KIF21A: variants seen among roughly 807,000 people sequenced by gnomAD.
KIF21A encodes kinesin family member 21A, also known as kinesin-like protein KIF21A.
Under a neutral mutation model 202.9 loss-of-function variants are expected in KIF21A, and 114 were observed. The ratio of observed to expected loss-of-function variants is 0.56; its 90% CI spans 0.48 to 0.66. KIF21A has a LOEUF of 0.66. Among genes scored for constraint, KIF21A ranks in the 30% least tolerant of loss-of-function variants. The pLI is 0.00. For synonymous variants in KIF21A, 667 were observed against 670.8 expected (o/e 0.99, Z 0.09); for missense variants, 1,677 against 1,994.9 (o/e 0.84, Z 3.04).
intron 7 of KIF21A, among the ~76,000 whole-genome samples, chr12:39,359,863 C>A (rs933029734): frequency 6.6e-6 from 1 of 152,152 alleles, no homozygotes; most frequent in African/African-American, 2.4e-5. Flanking sequence ...TTAGAAACTT[C>A]CACAACACTT....
chr12:39,389,211 C>T (rs1018244152), intron 1 of KIF21A, among the ~76,000 whole-genome samples: 4 of 149,964 alleles, frequency 2.7e-5, no homozygotes, highest in Non-Finnish European at 1.5e-5. Context: ...CACACACACA[C>T]ATATATACAT....
intron 13 of KIF21A, among the ~76,000 whole-genome samples, 164 bp downstream of exon 13, chr12:39,341,870 T>C (rs910383609): frequency 2.0e-5 from 3 of 152,208 alleles, no homozygotes; most frequent in African/African-American, 4.8e-5. Context: ...GAGTTGTCAA[T>C]ATTTTATAGC....
chr12:39,417,385 TACTG>T (rs1566275408), intron 1 of KIF21A, among the ~76,000 whole-genome samples: 1 of 152,172 alleles, frequency 6.6e-6, no homozygotes, highest in Non-Finnish European at 1.5e-5. Flanking sequence ...ATATCAATGA[TACTG>T]ACAATTATAG....
intron 34 of KIF21A, among the ~76,000 whole-genome samples, chr12:39,306,449 A>G (rs1464646587): frequency 2.6e-5 from 4 of 152,114 alleles, no homozygotes; most frequent in Admixed American, 1.3e-4. Context: ...CATTTTATTT[A>G]TAATACAGTA....
intron 1 of KIF21A, among the ~76,000 whole-genome samples, chr12:39,421,143 G>T (rs887898232): frequency 2.6e-5 from 4 of 152,092 alleles, no homozygotes; most frequent in Admixed American, 1.3e-4. Flanking sequence ...ATACACAAAT[G>T]CTTACCATTG....
At chr12:39,355,441 G>A (rs1418657700) in intron 10 of KIF21A, among the ~76,000 whole-genome samples, 2 of 151,882 alleles carry the variant, frequency 1.3e-5, no homozygotes, top group Admixed American at 6.6e-5. Context: ...AAGTGCCAAA[G>A]AAATAAAAGA....
chr12:39,349,197 G>T (rs914893799), intron 11 of KIF21A, among the ~76,000 whole-genome samples: 3 of 151,914 alleles, frequency 2.0e-5, no homozygotes, highest in Admixed American at 1.3e-4. Context: ...GGGAAAGAAG[G>T]TTCTTTCCCC....
At chr12:39,414,311 C>A (rs969765989) in intron 1 of KIF21A, among the ~76,000 whole-genome samples, 1 of 152,100 alleles carries the variant, frequency 6.6e-6, no homozygotes, top group African/African-American at 2.4e-5. Context: ...GAAAGCAGAC[C>A]AAAAGTGCTC....
rs749004097 is a variant in KIF21A at position 39,311,416 on chromosome 12, C to T, written c.4096+1G>A. 6.2e-7 allele frequency: 1 copy of T among 1,612,514 alleles called. No individual in the cohort carries two copies. The highest frequency in any genetic ancestry group is 8.5e-7 in the Non-Finnish European group (1 of 1,178,848). ...TATCTGCATTAGATAACTACTAGCA[C>T]CTTTTGATCCAGTGAAGAGGAGATC... On this transcript the variant is annotated splice_donor_variant, in intron 32 of 37. Coordinates refer to ENST00000361418, the MANE Select transcript of KIF21A (RefSeq NM_001173464.2). LOFTEE classifies it high-confidence loss of function.
intron 26 of KIF21A, among the ~76,000 whole-genome samples, chr12:39,325,496 TA>T (rs1415620737): frequency 5.2e-5 from 7 of 133,870 alleles, no homozygotes; most frequent in African/African-American, 2.1e-4. Context: ...CACGCCCAGC[TA>T]ATTTTTTTTT....
Position 39,363,306 on chromosome 12 carries a change from G to A in KIF21A, c.904-93C>T, listed in dbSNP as rs1428015320. 9 of 721,102 alleles carry A rather than the reference G, an allele frequency of 1.2e-5. No individual in the cohort carries two copies. The Admixed American group carries it at 1.9e-4, about 15-fold the overall frequency. 44.7% of individuals were successfully genotyped at this position (721,102 alleles called of 1,614,324 possible). A position where few individuals can be genotyped will look rare whatever the true frequency, so the allele number is the denominator to read the frequency against. On this transcript the variant is annotated intron_variant, in intron 6 of 37. Coordinates refer to ENST00000361418, the MANE Select transcript of KIF21A (RefSeq NM_001173464.2). ...GAAAGTTTACAGAGAATAATATAGA[G>A]ACATAATATAATTAAGAATATTTGT...
rs375504040 is a variant in KIF21A, at chr12:39,319,949, C to G, written c.3736G>C (p.Ala1246Pro). The G allele has an allele frequency of 1.2e-6, 2 of 1,609,302 alleles. No individual in the cohort carries two copies. The highest frequency in any genetic ancestry group is 2.7e-5 in the African/African-American group (2 of 74,994). Residue 1246 changes from alanine to proline, a missense_variant, in exon 28 of 38, where the codon GCA (alanine) becomes CCA (proline). Transcript: ENST00000361418. ...TTTGATTTTTCTGCTTTCTCATATG[C>G]CTTTCTCCTTGTTACAGGAGAAGGC... ...PEPSPVTRRK[A>P]YEKAEKSKAK...
intron 27 of KIF21A, 123 bp downstream of exon 27, chr12:39,322,545 T>C: frequency 1.3e-6 from 1 of 742,314 alleles, no homozygotes; most frequent in Non-Finnish European, 2.2e-6. Flanking sequence ...TAGCAAATTA[T>C]TTCGAAAACC....
At chr12:39,388,155 C>T (rs1292720789) in intron 1 of KIF21A, among the ~76,000 whole-genome samples, 1 of 152,054 alleles carries the variant, frequency 6.6e-6, no homozygotes, top group African/African-American at 2.4e-5. Flanking sequence ...GAGGTGGATC[C>T]CTCATGAATA....
intron 1 of KIF21A, among the ~76,000 whole-genome samples, chr12:39,424,551 A>T (rs1485808276): frequency 2.0e-5 from 3 of 152,228 alleles, no homozygotes; most frequent in African/African-American, 7.2e-5. Context: ...CAATATGCAC[A>T]ACAATTTCAA....
In KIF21A at chr12:39,332,268, G is replaced by T; in HGVS notation, c.2997C>A (p.Ile999=). The T allele has an allele frequency of 6.2e-7, 1 of 1,613,812 alleles. No homozygotes were observed. Among genetic ancestry groups the T allele is most frequent in the South Asian group, 1.1e-5 (1 of 91,076 alleles). Residue 999 remains isoleucine, a synonymous_variant, in exon 21 of 38, where the codon ATC becomes ATA. Coordinates refer to ENST00000361418, the MANE Select transcript of KIF21A (RefSeq NM_001173464.2). ...CCTGACAATCAGAAATACTGTCATT[G>T]ATGTAATCGATATTAGCAGTCAGTG... is the stretch of plus-strand genomic sequence containing the variant. The part of the protein sequence containing the change: ...MESLTANIDY[I]NDSISDCQAN...
chr12:39,395,196 AC>A (rs754972083), intron 1 of KIF21A, among the ~76,000 whole-genome samples: 1 of 152,248 alleles, frequency 6.6e-6, no homozygotes, highest in Non-Finnish European at 1.5e-5. Flanking sequence ...CCTTTTAAAA[AC>A]ATCAAATTTA....
At chr12:39,395,144 T>C (rs1240303071) in intron 1 of KIF21A, among the ~76,000 whole-genome samples, 1 of 152,186 alleles carries the variant, frequency 6.6e-6, no homozygotes, top group African/African-American at 2.4e-5. Flanking sequence ...TCCACTACCA[T>C]ACATATATTT....
chr12:39,300,890 C>T (rs970730586), intron 37 of KIF21A, among the ~76,000 whole-genome samples: 12 of 152,150 alleles, frequency 7.9e-5, no homozygotes, highest in Admixed American at 6.6e-5. Context: ...CACCATCTAA[C>T]ACATTCTACC....
Sources: allele counts gnomAD v4.1 joint callset (sites outside exome capture counted in the v4.1 genomes callset), GRCh38; gene constraint gnomAD v4.1.1; transcripts MANE v1.5; gene names NCBI Gene and HGNC (gene_info 2026-07-23, HGNC 2026-07-21).